The following FAM234A variants were observed in gnomAD, a reference collection of about 807,000 sequenced individuals.
The protein encoded by FAM234A is protein FAM234A.
FAM234A carries 42 observed loss-of-function variants against 49.1 expected under a neutral mutation model. The ratio of observed to expected loss-of-function variants is 0.86; its 90% CI spans 0.67 to 1.11. The LOEUF (loss-of-function observed/expected upper bound fraction) is 1.11, where lower values mean the gene tolerates loss of function less well. Among genes scored for constraint, FAM234A ranks in the 50% least tolerant of loss-of-function variants. The pLI is 0.00. For missense variants in FAM234A, 815 were observed against 745.2 expected, an observed-to-expected ratio of 1.09 and a Z score of -1.09; for synonymous variants, 369 against 316.2, an observed-to-expected ratio of 1.17 and a Z score of -1.77.
Position 264,655 on chromosome 16 carries a change from C to G in FAM234A, c.1386C>G (p.Pro462=). The part of the protein sequence containing the change: ...EARHSLYMFH[P]TLPRVLLELA... ...GGCACAGCCTGTACATGTTCCACCC[C>G]ACCCTGCCGCGCGTGCTGCTGGAGC... is the stretch of plus-strand genomic sequence containing the variant. The change falls in exon 12 of 13, where the codon CCC becomes CCG. Residue 462 remains proline (P), a synonymous_variant. Transcript: ENST00000399932. 1 of 1,612,010 alleles carries G rather than the reference C, an allele frequency of 6.2e-7. No individual in the cohort carries two copies. The highest frequency in any genetic ancestry group is 1.1e-5 in the South Asian group (1 of 91,086).
At chr16:266,476 C>T (rs2051697212), downstream of FAM234A, among the ~76,000 whole-genome samples, 1 of 152,150 alleles carries the variant, frequency 6.6e-6, no homozygotes, top group Admixed American at 6.5e-5. Context: ...TCTGGTGACC[C>T]TGCAGGCAAG....
downstream of FAM234A, chr16:268,285 ATAAGC>A (rs1338245795): frequency 4.3e-6 from 1 of 234,416 alleles, no homozygotes; most frequent in Non-Finnish European, 8.5e-6. Context: ...CCGTCACACC[ATAAGC>A]TGCACCCACA....
Position 252,487 on chromosome 16 carries a change from G to A in FAM234A, c.-33-1894G>A, listed in dbSNP as rs553855067. 3.4e-4 allele frequency among the ~76,000 whole-genome samples: 52 copies of A among 152,218 alleles called. No homozygotes were observed. In the South Asian group the frequency reaches 8.1e-3, roughly 24 times the overall value. The stretch of plus-strand genomic sequence containing the variant: ...GTGAGCCACCGTGCCCGGCCGGAAA[G>A]TCTGTTTTTAATTCTTGTGGGTGTA... On this transcript the variant is annotated intron_variant, in intron 2 of 12. Transcript: ENST00000399932.
downstream of FAM234A, chr16:268,855 G>A (rs888791829): frequency 1.7e-5 from 26 of 1,550,294 alleles, no homozygotes; most frequent in East Asian, 7.3e-5. Context: ...GTCTTGTGAC[G>A]GGTGTGTGGG....
intron 1 of FAM234A, among the ~76,000 whole-genome samples, chr16:238,812 T>C (rs1295958840): frequency 6.7e-5 from 7 of 104,470 alleles, no homozygotes; most frequent in Admixed American, 1.0e-4. Context: ...TGGCTGGGCG[T>C]GGTGGCTCAA....
chr16:263,457 G>T, intron 9 of FAM234A, 55 bp downstream of exon 9: 1 of 1,592,100 alleles, frequency 6.3e-7, no homozygotes, highest in Non-Finnish European at 8.5e-7. Context: ...CGGCATCCCG[G>T]GCACATCCCG....
At position 254,595 on chromosome 16, in the gene FAM234A, T is replaced by C. The variant is rs563850158; in HGVS notation, c.182T>C (p.Phe61Ser). The change falls in exon 3 of 13, where the codon TTT becomes TCT. Residue 61 changes from phenylalanine (F) to serine (S), a missense_variant. By Grantham distance (155) the Phe-to-Ser change is radical (BLOSUM62 -2). Coordinates refer to ENST00000399932, the MANE Select transcript of FAM234A (RefSeq NM_032039.4). ...TTTCTTTCATTGTTTCTCTGCCTTT[T>C]TGTGGTGTTCGTCGTCTCATTCGTC... is the stretch of plus-strand genomic sequence containing the variant. ...AFFLSLFLCL[F>S]VVFVVSFVIP... 5.6e-6 allele frequency: 9 copies of C among 1,614,124 alleles called. No homozygotes were observed. The highest frequency in any genetic ancestry group is 5.5e-5 in the South Asian group (5 of 91,086).
intron 4 of FAM234A, 46 bp downstream of exon 4, chr16:259,645 G>C: frequency 8.1e-7 from 1 of 1,232,728 alleles, no homozygotes; most frequent in Non-Finnish European, 1.2e-6. Context: ...TGTAGAAAGA[G>C]GAATCGTCAT....
At chr16:241,812 G>C (rs1037656866) in intron 1 of FAM234A, among the ~76,000 whole-genome samples, 1 of 151,194 alleles carries the variant, frequency 6.6e-6, no homozygotes, top group Non-Finnish European at 1.5e-5. Flanking sequence ...AGCTACTGGG[G>C]AGGCTGAGGC....
chr16:250,206 C>T (rs1403918938), intron 2 of FAM234A, among the ~76,000 whole-genome samples: 1 of 152,234 alleles, frequency 6.6e-6, no homozygotes, highest in African/African-American at 2.4e-5. Context: ...GCTGGGACTA[C>T]AGGCGTGAGC....
At chr16:244,226 C>G (rs529958789) in intron 1 of FAM234A, among the ~76,000 whole-genome samples, 9 of 152,270 alleles carry the variant, frequency 5.9e-5, no homozygotes, top group African/African-American at 1.4e-4. Flanking sequence ...CCTTGGCCTC[C>G]CAAAGTGCTG....
intron 3 of FAM234A, among the ~76,000 whole-genome samples, chr16:258,155 A>ATTTTTTTTTTTTTTTTTTTT (rs577801424): frequency 2.2e-5 from 3 of 134,082 alleles, no homozygotes. Context: ...CACCCGGCCT[A>ATTTTTTTTTTTTTTTTTTTT]TTTTTTTTTT....
intron 1 of FAM234A, among the ~76,000 whole-genome samples, chr16:243,090 C>T (rs1225180069): frequency 2.6e-5 from 4 of 151,848 alleles, no homozygotes; most frequent in African/African-American, 9.7e-5. Context: ...AAGCTAACCT[C>T]CCACCTCAGC....
chr16:254,338 G>A (rs979644597), intron 2 of FAM234A, 43 bp from the exon 3 acceptor site: 5 of 1,538,064 alleles, frequency 3.3e-6, no homozygotes, highest in Admixed American at 1.8e-5. Context: ...GCTTTGTGCC[G>A]TGGGACTGCT....
downstream of FAM234A, among the ~76,000 whole-genome samples, chr16:267,291 C>G (rs1215594280): frequency 6.6e-6 from 1 of 152,076 alleles, no homozygotes; most frequent in Non-Finnish European, 1.5e-5. Context: ...CCCTAGCCCA[C>G]CAGAGCACAG....
Position 260,521 on chromosome 16 carries a change from T to C in FAM234A, c.577+361T>C, listed in dbSNP as rs976933963. 18 of 487,494 alleles carry C rather than the reference T, an allele frequency of 3.7e-5. No individual in the cohort carries two copies. In the Admixed American group the frequency reaches 4.2e-4, roughly 11 times the overall value. 30.2% of individuals were successfully genotyped at this position (487,494 alleles called of 1,614,324 possible). ...CAGTGCCCAGGGCGAGCCCAGAACA[T>C]GAACCAGCACTCGGCCCGTCAGGGG... On this transcript the variant is annotated intron_variant, in intron 5 of 12. Transcript: ENST00000399932.
At chr16:264,257 T>A in intron 11 of FAM234A, 86 bp downstream of exon 11, 40 of 1,352,712 alleles carry the variant, frequency 3.0e-5, no homozygotes, top group Non-Finnish European at 3.9e-5. Flanking sequence ...GCCCAGAAGC[T>A]CATCGGTGCC....
chr16:244,220 G>A (rs559873140), intron 1 of FAM234A, among the ~76,000 whole-genome samples: 21 of 151,312 alleles, frequency 1.4e-4, no homozygotes, highest in Admixed American at 2.6e-4. Flanking sequence ...CACCCGCCTT[G>A]GCCTCCCAAA....
Position 254,581 on chromosome 16 carries a change from G to GT in FAM234A, c.171dup (p.Leu58SerfsTer36), listed in dbSNP as rs753760010. The GT allele has an allele frequency of 1.1e-4, 175 of 1,596,286 alleles. No individual in the cohort carries two copies. Among genetic ancestry groups the GT allele is most frequent in the Non-Finnish European group, 1.4e-4 (159 of 1,168,866 alleles). On this transcript the variant is annotated frameshift_variant, in exon 3 of 13. Coordinates refer to ENST00000399932, the MANE Select transcript of FAM234A (RefSeq NM_032039.4). LOFTEE classifies it high-confidence loss of function. ...GAGCGGCGGCGTTTTTTCTTTCATT[G>GT]TTTCTCTGCCTTTTTGTGGTGTTCG...
Sources: gnomAD v4.1 joint callset for allele counts (sites outside exome capture counted in the v4.1 genomes callset) on GRCh38, gnomAD v4.1.1 for gene constraint, MANE v1.5 for transcripts, NCBI Gene and HGNC (gene_info 2026-07-23, HGNC 2026-07-21) for gene names.